The following CDC42BPA variants were observed in gnomAD, a reference collection of about 807,000 sequenced individuals.
CDC42BPA encodes serine/threonine-protein kinase MRCK alpha.
Under a neutral mutation model 223.5 loss-of-function variants are expected in CDC42BPA, and 80 were observed. The ratio of observed to expected loss-of-function variants is 0.36; its 90% CI spans 0.30 to 0.43. The LOEUF is 0.43. Among genes scored for constraint, CDC42BPA ranks in the 20% least tolerant of loss-of-function variants. The probability of loss-of-function intolerance (pLI) is 1.00; values close to 1 mark genes in which losing one functional copy is unlikely to be tolerated. For missense variants in CDC42BPA, 1,743 were observed against 2,099.9 expected, an observed-to-expected ratio of 0.83 and a Z score of 3.32; for synonymous variants, 694 against 718.6, an observed-to-expected ratio of 0.97 and a Z score of 0.55.
At chr1:227,295,305 C>T (rs528488284) in intron 1 of CDC42BPA, among the ~76,000 whole-genome samples, 3 of 152,164 alleles carry the variant, frequency 2.0e-5, no homozygotes, top group African/African-American at 4.8e-5. Context: ...GGACTATAGA[C>T]GCACACCACC....
chr1:227,118,163 G>T (rs1419713342), intron 12 of CDC42BPA, among the ~76,000 whole-genome samples: 1 of 152,162 alleles, frequency 6.6e-6, no homozygotes, highest in Non-Finnish European at 1.5e-5. Flanking sequence ...TCGTGGAAAT[G>T]GAAGTTGGTA....
At chr1:227,172,409 G>A (rs1666247759) in intron 5 of CDC42BPA, among the ~76,000 whole-genome samples, 1 of 152,078 alleles carries the variant, frequency 6.6e-6, no homozygotes, top group Non-Finnish European at 1.5e-5. Flanking sequence ...ATCTTTCTCT[G>A]CATCTTTCCA....
chr1:227,264,296 T>A (rs2148398511), intron 1 of CDC42BPA, among the ~76,000 whole-genome samples: 1 of 152,310 alleles, frequency 6.6e-6, no homozygotes, highest in Admixed American at 6.5e-5. Flanking sequence ...AGCAGATGCT[T>A]GCTGGCTCTA....
chr1:227,192,092 T>C (rs971481436), intron 5 of CDC42BPA, among the ~76,000 whole-genome samples: 2 of 151,438 alleles, frequency 1.3e-5, no homozygotes, highest in Admixed American at 1.3e-4. Flanking sequence ...CAAACAGAGA[T>C]CTGATAAAAT....
intron 15 of CDC42BPA, among the ~76,000 whole-genome samples, chr1:227,094,567 T>C (rs2149263290): frequency 6.6e-6 from 1 of 152,354 alleles, no homozygotes; most frequent in African/African-American, 2.4e-5. Context: ...CTGGCAGCTG[T>C]CCTCACTTTG....
chr1:227,191,152 C>T (rs1366992657), intron 5 of CDC42BPA, among the ~76,000 whole-genome samples: 1 of 151,722 alleles, frequency 6.6e-6, no homozygotes, highest in Non-Finnish European at 1.5e-5. Flanking sequence ...GAGACCAACC[C>T]GACCAACATG....
At chr1:227,183,174 C>G (rs1224167958) in intron 5 of CDC42BPA, 1 of 152,156 alleles carries the variant, frequency 6.6e-6, no homozygotes, top group African/African-American at 2.4e-5. Context: ...TCTGGAGAAG[C>G]CTAGTACATG....
intron 3 of CDC42BPA, among the ~76,000 whole-genome samples, chr1:227,200,527 AT>A (rs58110006): frequency 0.13 from 19,344 of 146,708 alleles, 1,421 homozygotes; most frequent in African/African-American, 0.17. Flanking sequence ...TTGCAATTTG[AT>A]TTTTTTTTTT....
At chr1:227,125,455 T>C (rs1689394247) in intron 11 of CDC42BPA, among the ~76,000 whole-genome samples, 1 of 151,482 alleles carries the variant, frequency 6.6e-6, no homozygotes, top group Non-Finnish European at 1.5e-5. Context: ...CTACTAAAAA[T>C]ACAAAAAATT....
chr1:227,250,914 A>C (rs983158301), intron 2 of CDC42BPA, among the ~76,000 whole-genome samples: 1 of 152,106 alleles, frequency 6.6e-6, no homozygotes, highest in African/African-American at 2.4e-5. Context: ...TTAGCCAAGC[A>C]TGCTGGTGCA....
intron 4 of CDC42BPA, among the ~76,000 whole-genome samples, chr1:227,197,463 T>A (rs1360056435): frequency 6.6e-6 from 1 of 152,256 alleles, no homozygotes; most frequent in East Asian, 1.9e-4. Context: ...TTAGTAATTA[T>A]TGAGGGGTAT....
intron 1 of CDC42BPA, among the ~76,000 whole-genome samples, chr1:227,266,582 T>A (rs186818401): frequency 2.0e-5 from 3 of 152,204 alleles, no homozygotes; most frequent in Non-Finnish European, 4.4e-5. Context: ...TTCTATCCAG[T>A]GAAAGATAAT....
Position 227,016,942 on chromosome 1 carries a change from C to T in CDC42BPA, c.4724G>A (p.Arg1575Lys), listed in dbSNP as rs1339448910. Residue 1575 changes from arginine to lysine, a missense_variant, in exon 33 of 37, where the codon AGG becomes AAG. Physicochemically the swap from Arg to Lys is conservative, Grantham distance 26. Transcript: ENST00000366766. ...AAGTATCTACCTCCTCTGCTGCATC[C>T]TTTCCTCTTCTGGGACTCTGAAGGA... ...RYSFRVPEEE[R>K]MQQRREMLRD... The T allele has an allele frequency of 2.5e-6, 4 of 1,612,808 alleles. No individual in the cohort carries two copies. Among genetic ancestry groups the T allele is most frequent in the Non-Finnish European group, 3.4e-6 (4 of 1,179,390 alleles).
At chr1:227,269,609 G>A (rs1003623893) in intron 1 of CDC42BPA, among the ~76,000 whole-genome samples, 1 of 152,078 alleles carries the variant, frequency 6.6e-6, no homozygotes, top group Non-Finnish European at 1.5e-5. Flanking sequence ...AAATATATTT[G>A]TAACAAATAT....
chr1:227,261,616 A>C lies in CDC42BPA; in HGVS notation c.179-7461T>G, dbSNP rs990577966. ...AGAGAAATCCCCAAGAATTAGAAAT[A>C]AAGAAAAATAATCAAAACTTTAAAC... On this transcript the variant is annotated intron_variant, in intron 1 of 36. Coordinates refer to ENST00000366766, the MANE Select transcript of CDC42BPA (RefSeq NM_001394014.1). 5.3e-5 allele frequency among the ~76,000 whole-genome samples: 8 copies of C among 152,174 alleles called. 1 individual carries two copies. Among genetic ancestry groups the C allele is most frequent in the African/African-American group, 9.7e-5 (4 of 41,438 alleles).
intron 5 of CDC42BPA, among the ~76,000 whole-genome samples, chr1:227,180,093 C>T (rs1667685612): frequency 6.6e-6 from 1 of 152,090 alleles, no homozygotes; most frequent in African/African-American, 2.4e-5. Flanking sequence ...GTAATCCAAG[C>T]TACTCAGGAG....
At chr1:227,298,486 A>G (rs1200019422) in intron 1 of CDC42BPA, among the ~76,000 whole-genome samples, 1 of 152,140 alleles carries the variant, frequency 6.6e-6, no homozygotes, top group Non-Finnish European at 1.5e-5. Flanking sequence ...AAGAAAATTA[A>G]GGAGGGCATG....
chr1:227,237,817 G>C (rs1357066928), intron 2 of CDC42BPA, among the ~76,000 whole-genome samples: 5 of 151,828 alleles, frequency 3.3e-5, no homozygotes, highest in Non-Finnish European at 5.9e-5. Flanking sequence ...GAGGCGGGCG[G>C]ATCACCTGAG....
At chr1:227,241,611 TCAAA>T (rs1206237919) in intron 2 of CDC42BPA, among the ~76,000 whole-genome samples, 25 of 152,142 alleles carry the variant, frequency 1.6e-4, no homozygotes, top group Admixed American at 1.2e-3. Context: ...TATGAAATTT[TCAAA>T]CAGTCAAAAT....
Sources: gnomAD v4.1 joint callset for allele counts (sites outside exome capture counted in the v4.1 genomes callset) on GRCh38, gnomAD v4.1.1 for gene constraint, MANE v1.5 for transcripts, NCBI Gene and HGNC (gene_info 2026-07-23, HGNC 2026-07-21) for gene names.